PCM1: variants seen among roughly 807,000 people sequenced by gnomAD.
PCM1 encodes the protein pericentriolar material 1.
Under a neutral mutation model 241.9 loss-of-function variants are expected in PCM1, and 157 were observed. The observed-to-expected ratio is 0.65, with a 90% CI of 0.57 to 0.74. The LOEUF (loss-of-function observed/expected upper bound fraction) is 0.74, where lower values mean the gene tolerates loss of function less well. PCM1 is among the 30% of genes least tolerant of loss of function. PCM1 has a pLI of 0.00. For synonymous variants in PCM1, 1,085 were observed against 784.9 expected, an observed-to-expected ratio of 1.38 and a Z score of -6.39; for missense variants, 3,478 against 2,360.1, an observed-to-expected ratio of 1.47 and a Z score of -9.81.
intron 6 of PCM1, among the ~76,000 whole-genome samples, chr8:17,940,476 G>A (rs773839988): frequency 1.9e-4 from 29 of 152,296 alleles, no homozygotes; most frequent in Middle Eastern, 3.4e-3. Flanking sequence ...AAGTTAAAAT[G>A]GATGGTGGAA....
chr8:17,957,761 G>A lies in PCM1; in HGVS notation c.2026G>A (p.Val676Ile), dbSNP rs1359700029. 3.1e-6 allele frequency: 5 copies of A among 1,610,572 alleles called. No homozygotes were observed. The highest frequency in any genetic ancestry group is 4.2e-6 in the Non-Finnish European group (5 of 1,177,108). The stretch of plus-strand genomic sequence containing the variant: ...GAAACTTAGACAGTTACAAGATCTT[G>A]TTGCTATGGTACAGGTAAATATTGC... The part of the protein sequence containing the change: ...KQKLRQLQDL[V>I]AMVQDDDAAQ... Residue 676 changes from valine (V) to isoleucine (I), a missense_variant, in exon 13 of 39, where the codon GTT becomes ATT. By Grantham distance (29) the Val-to-Ile change is conservative. Coordinates refer to ENST00000325083, the MANE Select transcript of PCM1 (RefSeq NM_006197.4).
At chr8:17,941,149 T>C (rs943726044) in intron 6 of PCM1, among the ~76,000 whole-genome samples, 1 of 152,210 alleles carries the variant, frequency 6.6e-6, no homozygotes, top group East Asian at 1.9e-4. Flanking sequence ...TGGATTTTAC[T>C]GTGGGGAAAT....
At chr8:17,977,005 A>G in intron 23 of PCM1, among the ~76,000 whole-genome samples, 1 of 152,138 alleles carries the variant, frequency 6.6e-6, no homozygotes, top group South Asian at 2.1e-4. Context: ...AATTTCGTAT[A>G]TGCCACATTA....
intron 6 of PCM1, among the ~76,000 whole-genome samples, chr8:17,945,253 G>A (rs372003417): frequency 2.7e-4 from 41 of 152,170 alleles, no homozygotes; most frequent in East Asian, 1.2e-3. Flanking sequence ...GAATTTCCAC[G>A]GAAATGGATG....
chr8:17,932,263 A>G (rs563839073), intron 2 of PCM1, among the ~76,000 whole-genome samples: 1 of 152,166 alleles, frequency 6.6e-6, no homozygotes, highest in Non-Finnish European at 1.5e-5. Flanking sequence ...AGTTCTTTCC[A>G]CCATATTTAA....
intron 8 of PCM1, among the ~76,000 whole-genome samples, chr8:17,951,342 T>G (rs144975973): frequency 6.6e-6 from 1 of 152,222 alleles, no homozygotes; most frequent in East Asian, 1.9e-4. Flanking sequence ...CAAGTGAAAA[T>G]GAGAGAATAT....
chr8:17,977,874 A>G (rs758995151), intron 23 of PCM1, among the ~76,000 whole-genome samples: 1 of 152,170 alleles, frequency 6.6e-6, no homozygotes, highest in Non-Finnish European at 1.5e-5. Flanking sequence ...AAAGCTATCC[A>G]GCATTTGGGT....
intron 10 of PCM1, chr8:17,955,931 A>T (rs1479316444): frequency 2.4e-6 from 1 of 423,338 alleles, no homozygotes; most frequent in Non-Finnish European, 4.4e-6. Context: ...CTATATTCAG[A>T]TGGTTTAGAG....
In PCM1 at chr8:17,979,505, G is replaced by T. The variant is rs550101199; in HGVS notation, c.3944-1086G>T. ...TCTCTGTTGTAATATCCAGTAGCAT[G>T]AAAGTGGAGAGGAACGCTCTTCTCA... On this transcript the variant is annotated intron_variant, in intron 23 of 38. Transcript: ENST00000325083. 2.6e-5 allele frequency among the ~76,000 whole-genome samples: 4 copies of T among 152,320 alleles called. No individual in the cohort carries two copies. The South Asian group carries it at 8.3e-4, about 32-fold the overall frequency.
intron 13 of PCM1, among the ~76,000 whole-genome samples, chr8:17,958,631 T>G (rs1586824395): frequency 6.6e-6 from 1 of 152,174 alleles, no homozygotes; most frequent in Admixed American, 6.5e-5. Flanking sequence ...ACCTCAAGTT[T>G]TATTAACAGT....
At position 18,014,840 on chromosome 8, in the gene PCM1, T is replaced by C. The variant is rs369449114; in HGVS notation, c.5841T>C (p.Tyr1947=). ...AATCTCCAGTGTTAGTGAATGACTA[T>C]GTATGTATCATTTACATTTCCAAAT... ...DTESPVLVND[Y]EAESGNISQK... is the part of the protein sequence containing the mutation. Residue 1947 remains tyrosine, a splice_region_variant and synonymous_variant, in exon 36 of 39, where the codon TAT becomes TAC. Transcript: ENST00000325083. 25 of 1,583,912 alleles carry C rather than the reference T, an allele frequency of 1.6e-5. No individual in the cohort carries two copies. In the African/African-American group the frequency reaches 3.2e-4, roughly 20 times the overall value.
intron 38 of PCM1, among the ~76,000 whole-genome samples, chr8:18,026,403 G>A (rs549735341): frequency 2.2e-4 from 33 of 149,172 alleles, no homozygotes; most frequent in South Asian, 4.4e-4. Context: ...GACTACAGGC[G>A]CCCGCCACCA....
At chr8:17,929,031 G>T (rs942023382) in intron 2 of PCM1, among the ~76,000 whole-genome samples, 1 of 152,016 alleles carries the variant, frequency 6.6e-6, no homozygotes, top group African/African-American at 2.4e-5. Context: ...CTCATCATAG[G>T]CTGATTCCTT....
chr8:17,938,875 C>T lies in PCM1; in HGVS notation c.478C>T (p.Pro160Ser), dbSNP rs768114627. ...CAAGAGCAAAGATGCATCTACAAAC[C>T]CCCCAAACAGAGAAACGATTGGATC... ...TNKSKDASTNPPNRETIGSAQ... is the reference protein window; with the variant it reads ...TNKSKDASTNSPNRETIGSAQ... The change falls in exon 5 of 39, where the codon CCC (proline) becomes TCC (serine). Residue 160 changes from proline to serine, a missense_variant. By Grantham distance (74) the Pro-to-Ser change is moderately conservative (BLOSUM62 -1). Transcript: ENST00000325083. 6.2e-7 allele frequency: 1 copy of T among 1,613,092 alleles called. No homozygotes were observed. Among genetic ancestry groups the T allele is most frequent in the East Asian group, 2.2e-5 (1 of 44,848 alleles).
At chr8:18,018,205 G>A (rs995440574) in intron 36 of PCM1, among the ~76,000 whole-genome samples, 5 of 152,154 alleles carry the variant, frequency 3.3e-5, no homozygotes, top group Non-Finnish European at 5.9e-5. Flanking sequence ...AGTTCTCTCT[G>A]GAAGGAAAGT....
At chr8:17,939,609 C>T in intron 5 of PCM1, 82 bp from the exon 6 acceptor site, 2 of 662,764 alleles carry the variant, frequency 3.0e-6, no homozygotes, top group Non-Finnish European at 4.6e-6. Flanking sequence ...ATTTGTAAAA[C>T]TGTTGCTATT....
chr8:17,985,711 A>T, intron 25 of PCM1, 92 bp downstream of exon 25: 1 of 996,612 alleles, frequency 1.0e-6, no homozygotes, highest in Non-Finnish European at 1.5e-6. Flanking sequence ...CATGTGCCAT[A>T]TGAATTTTCA....
intron 9 of PCM1, 59 bp from the exon 10 acceptor site, chr8:17,955,411 G>T (rs189464834): frequency 4.4e-5 from 52 of 1,178,800 alleles, no homozygotes; most frequent in Non-Finnish European, 5.9e-5. Flanking sequence ...CCAACTGTAT[G>T]TGTTTGTTTA....
At chr8:18,016,917 T>C (rs778757585) in intron 36 of PCM1, among the ~76,000 whole-genome samples, 2 of 152,214 alleles carry the variant, frequency 1.3e-5, no homozygotes, top group Non-Finnish European at 2.9e-5. Context: ...CTCAGAGCCA[T>C]AGCAAAAGAT....
Sources: gnomAD v4.1 joint callset for allele counts (sites outside exome capture counted in the v4.1 genomes callset) on GRCh38, gnomAD v4.1.1 for gene constraint, MANE v1.5 for transcripts, NCBI Gene and HGNC (gene_info 2026-07-23, HGNC 2026-07-21) for gene names.